The following NELFA variants were observed in gnomAD, a reference collection of about 807,000 sequenced individuals.
NELFA encodes the protein negative elongation factor A.
NELFA carries 35 observed loss-of-function variants against 51.8 expected under a neutral mutation model. The ratio of observed to expected loss-of-function variants is 0.68; its 90% CI spans 0.52 to 0.90. The LOEUF (loss-of-function observed/expected upper bound fraction) is 0.90. Among genes scored for constraint, NELFA ranks in the 40% least tolerant of loss-of-function variants. NELFA has a pLI of 0.00. For synonymous variants in NELFA, 417 were observed against 338.4 expected, an observed-to-expected ratio of 1.23 and a Z score of -2.55; for missense variants, 658 against 746.4, an observed-to-expected ratio of 0.88 and a Z score of 1.38.
chr4:1,986,359 G>C lies in NELFA; in HGVS notation c.678C>G (p.Pro226=). The C allele has an allele frequency of 6.2e-7, 1 of 1,608,864 alleles. No individual in the cohort carries two copies. Among genetic ancestry groups the C allele is most frequent in the South Asian group, 1.1e-5 (1 of 90,024 alleles). The change falls in exon 5 of 11, where the codon CCC becomes CCG. Residue 226 remains proline (P), a synonymous_variant. Coordinates refer to ENST00000382882, the MANE Select transcript of NELFA (RefSeq NM_005663.5). ...GIPKQAPFRS[P]TAPSVFSPTG... is the part of the protein sequence containing the mutation. Reference sequence around the variant, plus strand: ...TGGGGCTGAAGACGCTGGGCGCCGTGGGGCTTCTGAAGGGCGCCTGCTTCG... The same window carrying C: ...TGGGGCTGAAGACGCTGGGCGCCGTCGGGCTTCTGAAGGGCGCCTGCTTCG...
At chr4:2,007,990 C>G (rs1728755275) in intron 1 of NELFA, 1 of 456,924 alleles carries the variant, frequency 2.2e-6, no homozygotes, top group South Asian at 1.5e-5. Flanking sequence ...TGGAATGACG[C>G]AAAACGGCGT....
chr4:1,994,549 A>G (rs1728370395), intron 1 of NELFA, among the ~76,000 whole-genome samples: 1 of 150,428 alleles, frequency 6.6e-6, no homozygotes, highest in South Asian at 2.1e-4. Context: ...TGGGCAACAG[A>G]GCAAGAGTCT....
rs534289164 is a variant in NELFA, at chr4:1,995,225, T to A, written c.211-3510A>T. Among the ~76,000 whole-genome samples the A allele has an allele frequency of 8.6e-4, 131 of 152,368 alleles. 1 individual carries two copies. The highest frequency in any genetic ancestry group is 8.5e-3 in the Admixed American group (130 of 15,302). On this transcript the variant is annotated intron_variant, in intron 1 of 10. Coordinates refer to ENST00000382882, the MANE Select transcript of NELFA (RefSeq NM_005663.5). ...TTCAGACTCTGGCTGAAACATCAGC[T>A]CTTCCTGGGTCTTGAGTCTCAGGGC...
intron 1 of NELFA, among the ~76,000 whole-genome samples, chr4:2,004,378 A>C (rs1421278285): frequency 6.6e-6 from 1 of 152,182 alleles, no homozygotes; most frequent in Non-Finnish European, 1.5e-5. Context: ...GATGATGAAA[A>C]TGTTTGAAAA....
intron 1 of NELFA, among the ~76,000 whole-genome samples, chr4:2,001,625 G>A (rs527566171): frequency 2.0e-5 from 3 of 152,208 alleles, no homozygotes; most frequent in Admixed American, 6.5e-5. Context: ...GAGAGGGGCC[G>A]GGTGCAGTGG....
At chr4:1,997,772 T>C (rs1728464012) in intron 1 of NELFA, among the ~76,000 whole-genome samples, 1 of 152,122 alleles carries the variant, frequency 6.6e-6, no homozygotes, top group Non-Finnish European at 1.5e-5. Flanking sequence ...ACTCCCTCCA[T>C]CATGGGACAA....
rs1139902 is a variant in NELFA at position 1,983,860 on chromosome 4, G to A, written c.1290C>T (p.Asn430=). The part of the protein sequence containing the change: ...QAPAQQQPKK[N]LSLTREQMFA... ...AGTGTACACCTACCGTGAGGGACAG[G>A]TTCTTCTTAGGCTGCTGCTGAGCAG... The change falls in exon 9 of 11, where the codon AAC becomes AAT. Residue 430 remains asparagine, a synonymous_variant. Coordinates refer to ENST00000382882, the MANE Select transcript of NELFA (RefSeq NM_005663.5). The A allele has an allele frequency of 7.8e-3, 12,240 of 1,576,208 alleles. 96 individuals carry two copies. Among genetic ancestry groups the A allele is most frequent in the Middle Eastern group, 0.039 (229 of 5,858 alleles).
chr4:1,987,082 A>T (rs1452658909), intron 4 of NELFA, among the ~76,000 whole-genome samples: 2 of 152,128 alleles, frequency 1.3e-5, no homozygotes, highest in Non-Finnish European at 2.9e-5. Flanking sequence ...TGACCCAGGG[A>T]CGGCCCCCCA....
chr4:2,007,731 G>A (rs1464990261), intron 1 of NELFA, among the ~76,000 whole-genome samples: 1 of 152,196 alleles, frequency 6.6e-6, no homozygotes, highest in Non-Finnish European at 1.5e-5. Flanking sequence ...CCTGTGTAAG[G>A]ATCACAGGAG....
At chr4:1,988,234 C>T (rs1577615851) in intron 3 of NELFA, among the ~76,000 whole-genome samples, 1 of 152,220 alleles carries the variant, frequency 6.6e-6, no homozygotes, top group Admixed American at 6.5e-5. Flanking sequence ...GCTGTGGCTG[C>T]ACCTCCCAGG....
Position 1,991,679 on chromosome 4 carries a change from T to C in NELFA, c.247A>G (p.Ser83Gly). ...GALMEIIQLASLDSDPWVLMV... is the reference protein window; with the variant it reads ...GALMEIIQLAGLDSDPWVLMV... ...AGCACCCAGGGGTCCGAGTCGAGGC[T>C]GGCGAGCTGGATGATCTCCATTAGG... The change falls in exon 2 of 11, where the codon AGC becomes GGC. Residue 83 changes from serine to glycine, a missense_variant. Ser to Gly is a moderately conservative substitution (Grantham distance 56). Around this residue, in one of 3 missense-constraint regions of NELFA, gnomAD observed 371 missense variants for 448.3 expected, o/e 0.83. Coordinates refer to ENST00000382882, the MANE Select transcript of NELFA (RefSeq NM_005663.5). The C allele has an allele frequency of 1.2e-6, 2 of 1,611,864 alleles. No individual in the cohort carries two copies. The highest frequency in any genetic ancestry group is 1.3e-5 in the African/African-American group (1 of 74,854).
chr4:2,006,979 C>T (rs758408202), intron 1 of NELFA: 1 of 159,842 alleles, frequency 6.3e-6, no homozygotes, highest in Non-Finnish European at 1.4e-5. Flanking sequence ...AACAGCAGGC[C>T]GAGTGCCATG....
chr4:1,984,941 T>G (rs749710839), intron 7 of NELFA, 22 bp from the exon 8 acceptor site: 1 of 1,528,272 alleles, frequency 6.5e-7, no homozygotes, highest in South Asian at 1.2e-5. Context: ...AGTTTAAGGT[T>G]CCTTCCAGAA....
At chr4:1,983,759 C>T in intron 9 of NELFA, 64 bp from the exon 10 acceptor site, 1 of 1,602,316 alleles carries the variant, frequency 6.2e-7, no homozygotes, top group Non-Finnish European at 8.5e-7. Flanking sequence ...CATCCCCCTG[C>T]AGGCACCGTG....
intron 1 of NELFA, chr4:1,992,507 A>G (rs1478788755): frequency 7.0e-6 from 3 of 426,432 alleles, no homozygotes; most frequent in East Asian, 8.9e-5. Flanking sequence ...TGCCTCTGCC[A>G]TGCGCCCACT....
chr4:2,005,044 G>A (rs1303300283), intron 1 of NELFA, among the ~76,000 whole-genome samples: 4 of 151,328 alleles, frequency 2.6e-5, no homozygotes, highest in Non-Finnish European at 4.4e-5. Context: ...TCCTGGCCTC[G>A]TGATCCGCCC....
rs1172912170 is a variant in NELFA at position 1,986,335 on chromosome 4, G to C, written c.702C>G (p.Pro234=). 7 of 1,602,266 alleles carry C rather than the reference G, an allele frequency of 4.4e-6. No homozygotes were observed. In the East Asian group the frequency reaches 1.4e-4, roughly 31 times the overall value. The part of the protein sequence containing the change: ...RSPTAPSVFS[P]TGNRTPIPPS... ...GCGGGATGGGGGTCCGGTTCCCTGTGGGGCTGAAGACGCTGGGCGCCGTGG... is the reference window on the plus strand; with the variant it reads ...GCGGGATGGGGGTCCGGTTCCCTGTCGGGCTGAAGACGCTGGGCGCCGTGG... The change falls in exon 5 of 11, where the codon CCC becomes CCG. Residue 234 remains proline (P), a synonymous_variant. Coordinates refer to ENST00000382882, the MANE Select transcript of NELFA (RefSeq NM_005663.5).
Position 2,005,694 on chromosome 4 carries a change from AAAAC to A in NELFA, c.210+3052_210+3055del, listed in dbSNP as rs541078213. On this transcript the variant is annotated intron_variant, in intron 1 of 10. Transcript: ENST00000382882. Reference sequence around the variant, plus strand: ...GTGAGAGAGTGAGATCTCCGTCTAAAAAACAAACAAACAAACAAACAAACAAAAA... The same window carrying A: ...GTGAGAGAGTGAGATCTCCGTCTAAAAAACAAACAAACAAACAAACAAAAA... 6.4e-3 allele frequency among the ~76,000 whole-genome samples: 975 copies of A among 152,218 alleles called. 7 individuals carry two copies. Among genetic ancestry groups the A allele is most frequent in the African/African-American group, 0.017 (725 of 41,514 alleles).
intron 1 of NELFA, among the ~76,000 whole-genome samples, chr4:2,005,197 T>C (rs73069130): frequency 0.023 from 3,463 of 152,250 alleles, 130 homozygotes; most frequent in African/African-American, 0.08. Flanking sequence ...ATAAAGGGTA[T>C]TTATTAAAGA....
Sources: allele counts gnomAD v4.1 joint callset (sites outside exome capture counted in the v4.1 genomes callset), GRCh38; gene constraint gnomAD v4.1.1; regional missense constraint gnomAD v4.1.1; transcripts MANE v1.5; gene names NCBI Gene and HGNC (gene_info 2026-07-23, HGNC 2026-07-21).